The following CACNB2 variants were observed in gnomAD, a reference collection of about 807,000 sequenced individuals.
CACNB2 encodes the protein calcium voltage-gated channel auxiliary subunit beta 2.
In CACNB2, 42 loss-of-function variants were observed where a neutral mutation model predicts 73.3. The observed-to-expected ratio is 0.57, with a 90% CI of 0.45 to 0.74. The LOEUF is 0.74. Among genes scored for constraint, CACNB2 ranks in the 30% least tolerant of loss-of-function variants. The pLI is 0.00. For missense variants in CACNB2, 940 were observed against 853.0 expected (o/e 1.10, Z -1.27); for synonymous variants, 348 against 310.3 (o/e 1.12, Z -1.28).
intron 2 of CACNB2, among the ~76,000 whole-genome samples, chr10:18,380,538 T>A (rs1201763363): frequency 7.1e-6 from 1 of 141,174 alleles, no homozygotes; most frequent in African/African-American, 2.6e-5. Context: ...CACTGTAACC[T>A]CCGCCTCCTA....
At chr10:18,201,236 C>T (rs915159288) in intron 2 of CACNB2, among the ~76,000 whole-genome samples, 1 of 150,644 alleles carries the variant, frequency 6.6e-6, no homozygotes, top group Non-Finnish European at 1.5e-5. Context: ...TAGTCCTGAT[C>T]GATTTCTCAC....
At chr10:18,534,262 A>T in intron 11 of CACNB2, 35 bp downstream of exon 11, 4 of 1,557,012 alleles carry the variant, frequency 2.6e-6, no homozygotes, top group Non-Finnish European at 3.5e-6. Context: ...TCTATAATCA[A>T]ACTTTCCTAA....
At chr10:18,406,609 A>T (rs2044301555) in intron 3 of CACNB2, among the ~76,000 whole-genome samples, 1 of 152,178 alleles carries the variant, frequency 6.6e-6, no homozygotes. Flanking sequence ...GGATGGGACC[A>T]TCTAGTTGTA....
In CACNB2 at chr10:18,185,020, G is replaced by C. The variant is rs1218495461; in HGVS notation, c.213+34045G>C. Among the ~76,000 whole-genome samples the C allele has an allele frequency of 6.6e-5, 10 of 152,024 alleles. No individual in the cohort carries two copies. In the South Asian group the frequency reaches 2.1e-3, roughly 32 times the overall value. On this transcript the variant is annotated intron_variant, in intron 2 of 13. Transcript: ENST00000324631. ...ACGCCTGGCCAATTTTTCATTTTTT[G>C]TAGCAACAGAATCCCACTATGTTTC...
chr10:18,394,616 C>G (rs1244949964), intron 2 of CACNB2, among the ~76,000 whole-genome samples: 2 of 152,124 alleles, frequency 1.3e-5, no homozygotes, highest in East Asian at 3.9e-4. Flanking sequence ...TGCAATGAGT[C>G]CCCTGCTTCG....
At chr10:18,226,394 T>A (rs1162885021) in intron 2 of CACNB2, among the ~76,000 whole-genome samples, 2 of 152,356 alleles carry the variant, frequency 1.3e-5, no homozygotes. Flanking sequence ...TAATGCATTT[T>A]GTTAGCTTTG....
intron 2 of CACNB2, chr10:18,340,662 C>A (rs969620577): frequency 1.8e-5 from 25 of 1,365,664 alleles, no homozygotes; most frequent in Non-Finnish European, 2.3e-5. Context: ...AGAATAAGAC[C>A]CTCCCACTTG....
At chr10:18,190,659 A>G (rs1039418630) in intron 2 of CACNB2, among the ~76,000 whole-genome samples, 1 of 152,202 alleles carries the variant, frequency 6.6e-6, no homozygotes, top group Non-Finnish European at 1.5e-5. Flanking sequence ...GACTTTTGGG[A>G]TGCATATATT....
chr10:18,148,515 G>A (rs1026184924), intron 1 of CACNB2, among the ~76,000 whole-genome samples: 1 of 152,200 alleles, frequency 6.6e-6, no homozygotes, highest in African/African-American at 2.4e-5. Context: ...GCAGAGAACA[G>A]CCACCTCCTC....
At chr10:18,171,010 CT>C (rs2033183569) in intron 2 of CACNB2, among the ~76,000 whole-genome samples, 1 of 152,160 alleles carries the variant, frequency 6.6e-6, no homozygotes, top group Non-Finnish European at 1.5e-5. Flanking sequence ...CGTGTGTGCT[CT>C]ATTTGGTACC....
chr10:18,201,424 G>T (rs536500113), intron 2 of CACNB2, among the ~76,000 whole-genome samples: 1 of 151,980 alleles, frequency 6.6e-6, no homozygotes, highest in African/African-American at 2.4e-5. Flanking sequence ...ACAGGCATGC[G>T]CCACCAGGTC....
At chr10:18,454,127 A>G (rs1001960925) in intron 3 of CACNB2, among the ~76,000 whole-genome samples, 7 of 152,222 alleles carry the variant, frequency 4.6e-5, no homozygotes, top group African/African-American at 1.7e-4. Flanking sequence ...GGGTAAAATA[A>G]AATGGACAGT....
intron 3 of CACNB2, among the ~76,000 whole-genome samples, chr10:18,467,124 A>G (rs994625374): frequency 2.6e-5 from 4 of 152,220 alleles, no homozygotes; most frequent in African/African-American, 9.6e-5. Flanking sequence ...ACTGCACTAC[A>G]GCCCAGGCAA....
intron 2 of CACNB2, chr10:18,257,460 T>C (rs1057011481): frequency 7.9e-5 from 12 of 152,298 alleles, no homozygotes; most frequent in African/African-American, 2.9e-4. Flanking sequence ...GAGTTTAGAA[T>C]GAGGACTTGG....
At chr10:18,257,059 A>G (rs1458223814) in intron 2 of CACNB2, 1 of 152,244 alleles carries the variant, frequency 6.6e-6, no homozygotes, top group Non-Finnish European at 1.5e-5. Context: ...TGTAGTCCAA[A>G]CGTAAACACT....
At chr10:18,389,842 G>T (rs749035453) in intron 2 of CACNB2, among the ~76,000 whole-genome samples, 1 of 152,180 alleles carries the variant, frequency 6.6e-6, no homozygotes, top group Non-Finnish European at 1.5e-5. Flanking sequence ...AAATGGTATT[G>T]TGTTTAATTT....
At chr10:18,263,224 C>T (rs1295457564) in intron 2 of CACNB2, among the ~76,000 whole-genome samples, 1 of 151,950 alleles carries the variant, frequency 6.6e-6, no homozygotes, top group African/African-American at 2.4e-5. Context: ...TATTTTTTTC[C>T]TTGAAGGAAA....
chr10:18,458,263 A>G (rs2047385075), intron 3 of CACNB2, among the ~76,000 whole-genome samples: 1 of 152,230 alleles, frequency 6.6e-6, no homozygotes, highest in Non-Finnish European at 1.5e-5. Flanking sequence ...AAATAGTGAG[A>G]TTCAAGTTCA....
In CACNB2 at chr10:18,331,110, T is replaced by C. The variant is rs58560534; in HGVS notation, c.214-70814T>C. On this transcript the variant is annotated intron_variant, in intron 2 of 13. Transcript: ENST00000324631. ...AGGTGATTCTCCCGCCTCAGCCTCC[T>C]GAGTAGCTGGGACTACAGGCGTGCG... Among the ~76,000 whole-genome samples, 482 of 152,166 alleles carry C rather than the reference T, an allele frequency of 3.2e-3. 2 individuals are homozygous for C. Among genetic ancestry groups the C allele is most frequent in the African/African-American group, 0.011 (451 of 41,530 alleles).
Sources: allele counts gnomAD v4.1 joint callset (sites outside exome capture counted in the v4.1 genomes callset), GRCh38; gene constraint gnomAD v4.1.1; transcripts MANE v1.5; gene names NCBI Gene and HGNC (gene_info 2026-07-23, HGNC 2026-07-21).